ERBB4: variants seen among roughly 807,000 people sequenced by gnomAD.
ERBB4 encodes receptor tyrosine-protein kinase erbB-4.
Under a neutral mutation model 158.0 loss-of-function variants are expected in ERBB4, and 42 were observed. That is an observed-to-expected ratio of 0.27 (90% CI 0.21 to 0.34). The LOEUF (loss-of-function observed/expected upper bound fraction) is 0.34, where lower values mean the gene tolerates loss of function less well. Ranked by LOEUF, ERBB4 falls within the 10% of genes least tolerant of loss-of-function variation. The pLI, the probability that ERBB4 is intolerant of heterozygous loss-of-function variation, is 1.00. For synonymous variants in ERBB4, 583 were observed against 558.7 expected, an observed-to-expected ratio of 1.04 and a Z score of -0.61; for missense variants, 1,333 against 1,624.1, an observed-to-expected ratio of 0.82 and a Z score of 3.08.
intron 3 of ERBB4, among the ~76,000 whole-genome samples, chr2:211,911,767 G>C (rs1406653790): frequency 6.6e-6 from 1 of 151,386 alleles, no homozygotes; most frequent in Non-Finnish European, 1.5e-5. Context: ...AAAATGGGGA[G>C]ATGATAATCA....
chr2:211,452,556 C>T (rs907433036), intron 20 of ERBB4, among the ~76,000 whole-genome samples: 3 of 152,080 alleles, frequency 2.0e-5, no homozygotes, highest in Non-Finnish European at 4.4e-5. Context: ...GTTATTACCC[C>T]ATATGTCCTT....
intron 2 of ERBB4, among the ~76,000 whole-genome samples, chr2:212,072,171 A>G (rs1256793366): frequency 6.6e-6 from 1 of 151,984 alleles, no homozygotes; most frequent in Non-Finnish European, 1.5e-5. Flanking sequence ...TTGAGTACAG[A>G]AGTTACAACT....
intron 2 of ERBB4, among the ~76,000 whole-genome samples, chr2:212,010,029 G>A (rs1210290241): frequency 6.6e-6 from 1 of 152,024 alleles, no homozygotes; most frequent in African/African-American, 2.4e-5. Flanking sequence ...TTGTTAACAG[G>A]GCAAATTTTA....
chr2:211,547,285 A>G (rs1319314606), intron 20 of ERBB4, among the ~76,000 whole-genome samples: 1 of 152,102 alleles, frequency 6.6e-6, no homozygotes, highest in Non-Finnish European at 1.5e-5. Flanking sequence ...GAGAAAAAAA[A>G]TTGGTTGTGA....
At position 211,591,836 on chromosome 2, in the gene ERBB4, T is replaced by C. The variant is rs527439932; in HGVS notation, c.2301+27341A>G. On this transcript the variant is annotated intron_variant, in intron 19 of 27. Transcript: ENST00000342788. ...CTGAAATATAAAAACCATGTAACTT[T>C]AGCTAGTAAATGATTTAAGCCGAGT... is the stretch of plus-strand genomic sequence containing the variant. Among the ~76,000 whole-genome samples the C allele has an allele frequency of 4.6e-5, 7 of 152,330 alleles. No individual in the cohort carries two copies. In the South Asian group the frequency reaches 1.0e-3, roughly 23 times the overall value.
intron 19 of ERBB4, among the ~76,000 whole-genome samples, chr2:211,598,161 G>A (rs991554405): frequency 3.9e-5 from 6 of 152,004 alleles, no homozygotes; most frequent in Middle Eastern, 3.4e-3. Flanking sequence ...ATCTCTCCAC[G>A]TCCTCCTCCT....
intron 3 of ERBB4, among the ~76,000 whole-genome samples, chr2:211,827,319 C>A (rs2077123533): frequency 6.6e-6 from 1 of 152,008 alleles, no homozygotes; most frequent in South Asian, 2.1e-4. Context: ...ACTGTTGGGA[C>A]AGGGTTATTT....
At chr2:212,309,419 A>C (rs1032602163) in intron 1 of ERBB4, among the ~76,000 whole-genome samples, 2 of 150,900 alleles carry the variant, frequency 1.3e-5, no homozygotes, top group Non-Finnish European at 3.0e-5. Flanking sequence ...AAGATGAATG[A>C]AACAGTTTTA....
chr2:211,603,318 T>G (rs1450777024), intron 19 of ERBB4, among the ~76,000 whole-genome samples: 1 of 152,106 alleles, frequency 6.6e-6, no homozygotes, highest in East Asian at 1.9e-4. Context: ...TTCCTGTAAG[T>G]ATCTGACATT....
At chr2:212,210,935 C>T (rs1040913956) in intron 1 of ERBB4, among the ~76,000 whole-genome samples, 1 of 152,054 alleles carries the variant, frequency 6.6e-6, no homozygotes, top group Admixed American at 6.6e-5. Context: ...CTCTCTCATG[C>T]TCAAACCAAA....
intron 2 of ERBB4, among the ~76,000 whole-genome samples, chr2:211,967,948 A>G (rs2081349296): frequency 6.6e-6 from 1 of 152,014 alleles, no homozygotes; most frequent in Non-Finnish European, 1.5e-5. Flanking sequence ...TTAACTGTAT[A>G]AAACAAGGTA....
chr2:211,412,424 T>A (rs545516422), intron 25 of ERBB4, among the ~76,000 whole-genome samples: 3 of 152,292 alleles, frequency 2.0e-5, no homozygotes, highest in Admixed American at 6.5e-5. Flanking sequence ...ATAATCAGCC[T>A]CCACAAAGAT....
rs557147652 is a variant in ERBB4, at chr2:211,382,876, A to T, written c.*739T>A. 7 of 232,808 alleles carry T rather than the reference A, an allele frequency of 3.0e-5. No homozygotes were observed. In the East Asian group the frequency reaches 4.3e-4, roughly 14 times the overall value. 14.4% of individuals were successfully genotyped at this position (232,808 alleles called of 1,614,324 possible). ...TATTTCTTGCTTAAATTCTGTGAAGAAGCTTTGATGTAAACATCTTTGCAA... is the reference window on the plus strand; with the variant it reads ...TATTTCTTGCTTAAATTCTGTGAAGTAGCTTTGATGTAAACATCTTTGCAA... On this transcript the variant is annotated 3_prime_UTR_variant, in exon 28 of 28. Transcript: ENST00000342788.
Position 211,657,926 on chromosome 2 carries a change from A to G in ERBB4, c.1872-98T>C, listed in dbSNP as rs34621071. 166,851 of 1,608,876 alleles carry G rather than the reference A, an allele frequency of 0.1. 9,193 individuals carry two copies. Among genetic ancestry groups the G allele is most frequent in the Admixed American group, 0.18 (10,526 of 59,928 alleles). On this transcript the variant is annotated intron_variant, in intron 15 of 27. Coordinates refer to ENST00000342788, the MANE Select transcript of ERBB4 (RefSeq NM_005235.3). ...ACACATGGAGCCTTGGAGGAAGAAC[A>G]TGGGAAGCAAGCACACCAAGTACCT...
chr2:211,981,213 C>T (rs551328054), intron 2 of ERBB4, among the ~76,000 whole-genome samples: 1 of 152,234 alleles, frequency 6.6e-6, no homozygotes, highest in African/African-American at 2.4e-5. Context: ...CCACTCTTCC[C>T]TAAGAGCACC....
chr2:212,499,923 C>G (rs1575035458), intron 1 of ERBB4, among the ~76,000 whole-genome samples: 1 of 152,160 alleles, frequency 6.6e-6, no homozygotes, highest in Middle Eastern at 3.4e-3. Context: ...TGCCTCAAGT[C>G]TCAGCCATAT....
intron 5 of ERBB4, among the ~76,000 whole-genome samples, chr2:211,736,514 A>G (rs1376339987): frequency 6.6e-6 from 1 of 152,194 alleles, no homozygotes; most frequent in Non-Finnish European, 1.5e-5. Context: ...ACAAAGGTCA[A>G]ATTAAGAAAT....
At chr2:211,789,095 G>A (rs1456751927) in intron 3 of ERBB4, among the ~76,000 whole-genome samples, 1 of 152,044 alleles carries the variant, frequency 6.6e-6, no homozygotes, top group African/African-American at 2.4e-5. Context: ...TATATCCTCT[G>A]AAAATATTAT....
At chr2:211,447,662 G>T (rs1000682981) in intron 20 of ERBB4, among the ~76,000 whole-genome samples, 5 of 152,108 alleles carry the variant, frequency 3.3e-5, no homozygotes, top group African/African-American at 9.7e-5. Flanking sequence ...TGATTAAAAA[G>T]TTCTACATCC....
Sources: gnomAD v4.1 joint callset for allele counts (sites outside exome capture counted in the v4.1 genomes callset) on GRCh38, gnomAD v4.1.1 for gene constraint, MANE v1.5 for transcripts, NCBI Gene and HGNC (gene_info 2026-07-23, HGNC 2026-07-21) for gene names.